Variants in TRHDE observed in about 807,000 individuals in gnomAD.
The protein encoded by TRHDE is thyrotropin-releasing hormone-degrading ectoenzyme.
In TRHDE, 72 loss-of-function variants were observed where a neutral mutation model predicts 125.7. The observed-to-expected ratio is 0.57, with a 90% CI of 0.47 to 0.70. The LOEUF is 0.70. TRHDE is among the 30% of genes least tolerant of loss of function. The pLI is 0.00. For synonymous variants in TRHDE, 509 were observed against 509.1 expected (o/e 1.00, Z 0.00); for missense variants, 1,110 against 1,327.1 (o/e 0.84, Z 2.54).
intron 12 of TRHDE, among the ~76,000 whole-genome samples, chr12:72,588,471 T>G (rs1182724692): frequency 6.6e-6 from 1 of 152,116 alleles, no homozygotes; most frequent in South Asian, 2.1e-4. Context: ...GCAGGCTGAA[T>G]GTGTTTAGGC....
At chr12:72,194,502 G>C (rs555994548) in intron 2 of TRHDE, among the ~76,000 whole-genome samples, 1 of 152,068 alleles carries the variant, frequency 6.6e-6, no homozygotes, top group African/African-American at 2.4e-5. Flanking sequence ...GGGGTACTGA[G>C]CATGATACCC....
intron 6 of TRHDE, among the ~76,000 whole-genome samples, chr12:72,500,063 T>C (rs1200638591): frequency 1.3e-5 from 2 of 152,196 alleles, no homozygotes; most frequent in African/African-American, 2.4e-5. Context: ...ATGCATCTTA[T>C]AAACATTATT....
intron 12 of TRHDE, among the ~76,000 whole-genome samples, chr12:72,607,885 A>G (rs1872513035): frequency 6.6e-6 from 1 of 152,096 alleles, no homozygotes. Flanking sequence ...TAGCATCACT[A>G]GAATACACTC....
At chr12:72,536,336 T>C (rs1868857111) in intron 6 of TRHDE, among the ~76,000 whole-genome samples, 1 of 152,116 alleles carries the variant, frequency 6.6e-6, no homozygotes, top group African/African-American at 2.4e-5. Flanking sequence ...AAAAGATTTA[T>C]TTGTTAAAGG....
chr12:72,613,581 A>G (rs1350582623), intron 12 of TRHDE, among the ~76,000 whole-genome samples: 1 of 152,214 alleles, frequency 6.6e-6, no homozygotes, highest in Non-Finnish European at 1.5e-5. Context: ...TGGGGATAAA[A>G]AGATGGGTGG....
chr12:72,270,317 A>G (rs1879166979), upstream of TRHDE, among the ~76,000 whole-genome samples: 1 of 151,330 alleles, frequency 6.6e-6, no homozygotes, highest in African/African-American at 2.4e-5. Context: ...ACTTATTTTC[A>G]TCATCATTTA....
chr12:72,381,843 C>T (rs1872200425), intron 3 of TRHDE, among the ~76,000 whole-genome samples: 2 of 152,184 alleles, frequency 1.3e-5, no homozygotes, highest in African/African-American at 4.8e-5. Context: ...ATTTTTGAGA[C>T]TGACATGTCT....
At chr12:72,391,381 G>A (rs1290144443) in intron 3 of TRHDE, among the ~76,000 whole-genome samples, 1 of 152,090 alleles carries the variant, frequency 6.6e-6, no homozygotes, top group African/African-American at 2.4e-5. Flanking sequence ...AAGCCTTCAG[G>A]GCATCGCTGA....
At chr12:72,306,173 A>G (rs2097756134) in intron 2 of TRHDE, among the ~76,000 whole-genome samples, 1 of 152,208 alleles carries the variant, frequency 6.6e-6, no homozygotes, top group African/African-American at 2.4e-5. Flanking sequence ...GACTTAATCT[A>G]GTATTTTGCA....
intron 2 of TRHDE, among the ~76,000 whole-genome samples, chr12:72,330,802 G>A (rs1243476519): frequency 3.3e-5 from 5 of 152,124 alleles, no homozygotes; most frequent in Non-Finnish European, 7.4e-5. Flanking sequence ...AAGCTTGGGT[G>A]GTTTACACCT....
chr12:72,502,749 CCT>C (rs1878209112), intron 6 of TRHDE, among the ~76,000 whole-genome samples: 2 of 152,060 alleles, frequency 1.3e-5, no homozygotes, highest in Non-Finnish European at 2.9e-5. Flanking sequence ...TCTTGATGGG[CCT>C]TCATTGTGTG....
At chr12:72,359,325 G>A (rs1375390286) in intron 2 of TRHDE, among the ~76,000 whole-genome samples, 2 of 151,578 alleles carry the variant, frequency 1.3e-5, no homozygotes, top group African/African-American at 2.4e-5. Flanking sequence ...AACAGTAGAA[G>A]CATTCCAAAT....
intron 7 of TRHDE, among the ~76,000 whole-genome samples, chr12:72,550,029 T>C (rs1869602920): frequency 1.3e-5 from 2 of 151,912 alleles, no homozygotes; most frequent in Non-Finnish European, 2.9e-5. Context: ...CTCATAAATT[T>C]ATATTTATTG....
chr12:72,629,446 G>A (rs972860630), intron 15 of TRHDE, among the ~76,000 whole-genome samples: 2 of 151,594 alleles, frequency 1.3e-5, no homozygotes, highest in Non-Finnish European at 3.0e-5. Flanking sequence ...ACTGCTTTCA[G>A]ACACTTCTGT....
At chr12:72,311,193 G>A (rs545652209) in intron 2 of TRHDE, among the ~76,000 whole-genome samples, 73 of 151,706 alleles carry the variant, frequency 4.8e-4, no homozygotes, top group Non-Finnish European at 2.9e-4. Flanking sequence ...CCAGGCCTTG[G>A]CAACCACTGA....
intron 2 of TRHDE, among the ~76,000 whole-genome samples, chr12:72,293,023 C>T (rs967818020): frequency 2.0e-5 from 3 of 152,030 alleles, no homozygotes; most frequent in African/African-American, 7.2e-5. Flanking sequence ...TTAACTTGAT[C>T]GCTGGGGGCA....
rs956662114 is a variant in TRHDE, at chr12:72,384,207, T to G, written c.1315+6086T>G. ...GTGTTCAGTTTCCTTTTACTACTAC[T>G]CTGTAATTTGTAAATCAATGTTTCA... On this transcript the variant is annotated intron_variant, in intron 3 of 18. Coordinates refer to ENST00000261180, the MANE Select transcript of TRHDE (RefSeq NM_013381.3). Among the ~76,000 whole-genome samples the G allele has an allele frequency of 2.0e-5, 3 of 152,210 alleles. No homozygotes were observed. The South Asian group carries it at 6.2e-4, about 32-fold the overall frequency.
intron 1 of TRHDE, among the ~76,000 whole-genome samples, chr12:72,284,240 A>G (rs981808694): frequency 6.6e-6 from 1 of 152,176 alleles, no homozygotes; most frequent in African/African-American, 2.4e-5. Context: ...GAGACACTCA[A>G]CCTGTATAGC....
At chr12:72,572,827 C>T (rs1028294051) in intron 10 of TRHDE, among the ~76,000 whole-genome samples, 1 of 151,732 alleles carries the variant, frequency 6.6e-6, no homozygotes, top group Non-Finnish European at 1.5e-5. Flanking sequence ...AGTTTAAAAA[C>T]TAGATTCAAG....
Sources: allele counts gnomAD v4.1 joint callset (sites outside exome capture counted in the v4.1 genomes callset), GRCh38; gene constraint gnomAD v4.1.1; transcripts MANE v1.5; gene names NCBI Gene and HGNC (gene_info 2026-07-23, HGNC 2026-07-21).